The following CNPY1 variants were observed in gnomAD, a reference collection of about 807,000 sequenced individuals.
The protein encoded by CNPY1 is canopy FGF signaling regulator 1.
A neutral mutation model predicts 14.4 loss-of-function variants in CNPY1; 14 were observed. The observed-to-expected ratio is 0.97, with a 90% CI of 0.64 to 1.52. The LOEUF (loss-of-function observed/expected upper bound fraction) is 1.52. Among genes scored for constraint, CNPY1 ranks in the 40% most tolerant of loss-of-function variants. The pLI is 0.00. For missense variants in CNPY1, 129 were observed against 131.5 expected, an observed-to-expected ratio of 0.98 and a Z score of 0.09; for synonymous variants, 43 against 46.5, an observed-to-expected ratio of 0.92 and a Z score of 0.31.
Position 155,502,724 on chromosome 7 carries a change from T to C in CNPY1, c.*344A>G, listed in dbSNP as rs1223602361. ...TTGCATATGTGCACATACACTGTTA[T>C]AAAATAAGCAGCATACATTATGAAA... On this transcript the variant is annotated 3_prime_UTR_variant, in exon 5 of 5. Coordinates refer to ENST00000636446, the MANE Select transcript of CNPY1 (RefSeq NM_001393663.1). The C allele has an allele frequency of 1.8e-5, 5 of 270,838 alleles. No homozygotes were observed. Among genetic ancestry groups the C allele is most frequent in the Non-Finnish European group, 3.5e-5 (5 of 142,482 alleles). 16.8% of individuals were successfully genotyped at this position (270,838 alleles called of 1,614,324 possible).
chr7:155,502,549 A>T lies in CNPY1; in HGVS notation c.*519T>A, dbSNP rs549601792. ...TGTGGTTTCTAAAAATTTTAATTTC[A>T]TTCCTGATAAAAAGTGGGTTTCTTT... is the stretch of plus-strand genomic sequence containing the variant. On this transcript the variant is annotated 3_prime_UTR_variant, in exon 5 of 5. Coordinates refer to ENST00000636446, the MANE Select transcript of CNPY1 (RefSeq NM_001393663.1). The T allele has an allele frequency of 6.6e-6, 1 of 152,518 alleles. No homozygotes were observed. The highest frequency in any genetic ancestry group is 6.5e-5 in the Admixed American group (1 of 15,312). The allele number at this position is 152,518 out of a possible 1,614,324, so 9.4% of individuals were successfully genotyped here.
chr7:155,536,971 A>G lies in CNPY1; in HGVS notation c.99+8860T>C, dbSNP rs1797031778. 6.6e-6 allele frequency among the ~76,000 whole-genome samples: 1 copy of G among 152,270 alleles called. No individual in the cohort carries two copies. On this transcript the variant is annotated intron_variant, in intron 2 of 4. Coordinates refer to ENST00000636446, the MANE Select transcript of CNPY1 (RefSeq NM_001393663.1). This position sits in a 1 kb window ranked among gnomAD's most constrained non-coding sequence, Gnocchi z 4.1. ...GATGGTACACAATAAAAGCCACCAA[A>G]TAAATTAAAAATGTATACAACCCCC...
chr7:155,545,388 C>G (rs757706273), intron 2 of CNPY1, among the ~76,000 whole-genome samples: 2 of 152,280 alleles, frequency 1.3e-5, no homozygotes, highest in East Asian at 1.9e-4. Context: ...TTCTCCATAG[C>G]CAACTGTCCG....
intron 3 of CNPY1, 67 bp from the exon 4 acceptor site, chr7:155,507,183 C>G (rs1796347641): frequency 2.1e-6 from 2 of 964,324 alleles, no homozygotes; most frequent in Non-Finnish European, 1.7e-6. Flanking sequence ...TTAGGAAGGA[C>G]TTTGCAACAA....
chr7:155,520,140 A>G lies in CNPY1; in HGVS notation c.100-11043T>C, dbSNP rs529934761. Among the ~76,000 whole-genome samples, 238 of 152,356 alleles carry G rather than the reference A, an allele frequency of 1.6e-3. 2 individuals are homozygous for G. The highest frequency in any genetic ancestry group is 2.6e-3 in the Non-Finnish European group (178 of 68,036). On this transcript the variant is annotated intron_variant, in intron 2 of 4. Transcript: ENST00000636446. ...AGGAATGGAAGAGTGCTCAGCTAAG[A>G]CAGAGACATCTATAAAATAAGCTGC...
At chr7:155,546,037 A>T in intron 1 of CNPY1, 94 bp from the exon 2 acceptor site, 2 of 398,242 alleles carry the variant, frequency 5.0e-6, no homozygotes, top group Non-Finnish European at 8.9e-6. Context: ...TCTAGCTAGA[A>T]CAGGGACAGT....
rs60236629 is a variant in CNPY1, at chr7:155,502,003, T to TGGGGGGGGGG, written c.*1064_*1065insCCCCCCCCCC. The TGGGGGGGGGG allele has an allele frequency of 1.6e-5, 2 of 125,322 alleles. No individual in the cohort carries two copies. The highest frequency in any genetic ancestry group is 8.4e-5 in the Admixed American group (1 of 11,902). The allele number at this position is 125,322 out of a possible 1,614,324, so 7.8% of individuals were successfully genotyped here. ...GCAAAGAGTTTTGGGTCGGGGGGGT[T>TGGGGGGGGGG]GGGGGGGGGATTTGTAGCATCCTAC... On this transcript the variant is annotated 3_prime_UTR_variant, in exon 5 of 5. Coordinates refer to ENST00000636446, the MANE Select transcript of CNPY1 (RefSeq NM_001393663.1).
At chr7:155,527,054 C>CTTTCTTTCTTTCTTTTTTTTTTTTTT (rs56296833) in intron 2 of CNPY1, among the ~76,000 whole-genome samples, 1 of 90,344 alleles carries the variant, frequency 1.1e-5, no homozygotes, top group Non-Finnish European at 2.0e-5. Context: ...TTCTTTCTTT[C>CTTTCTTTCTTTCTTTTTTTTTTTTTT]TTTTTTTTTT....
chr7:155,528,133 A>G (rs13229457), intron 2 of CNPY1, among the ~76,000 whole-genome samples: 25,775 of 152,224 alleles, frequency 0.17, 2,273 homozygotes, highest in South Asian at 0.27. Context: ...CTTTCCTCTG[A>G]TGTTTTCAGA....
Position 155,524,284 on chromosome 7 carries a change from C to T in CNPY1, c.100-15187G>A, listed in dbSNP as rs558901590. On this transcript the variant is annotated intron_variant, in intron 2 of 4. Coordinates refer to ENST00000636446, the MANE Select transcript of CNPY1 (RefSeq NM_001393663.1). ...ACCTGCCAAAGTGTAGATTCATTTT[C>T]CCTCCAAGATACGAATGACAAAAGA... Among the ~76,000 whole-genome samples the T allele has an allele frequency of 3.3e-5, 5 of 152,356 alleles. No individual in the cohort carries two copies. In the East Asian group the frequency reaches 9.7e-4, roughly 29 times the overall value.
Position 155,527,054 on chromosome 7 carries a change from C to CTTTCTTTCTTTCTTTCT in CNPY1, c.100-17958_100-17957insAGAAAGAAAGAAAGAAA, listed in dbSNP as rs56296833. Among the ~76,000 whole-genome samples, 121 of 90,354 alleles carry CTTTCTTTCTTTCTTTCT rather than the reference C, an allele frequency of 1.3e-3. 3 individuals carry two copies. Among genetic ancestry groups the CTTTCTTTCTTTCTTTCT allele is most frequent in the Admixed American group, 9.8e-3 (73 of 7,432 alleles). The allele number at this position is 90,354 out of a possible 152,430, so 59.3% of individuals were successfully genotyped here. On this transcript the variant is annotated intron_variant, in intron 2 of 4. Coordinates refer to ENST00000636446, the MANE Select transcript of CNPY1 (RefSeq NM_001393663.1). ...TTTTTCTTTCTTTCTTTCTTTCTTT[C>CTTTCTTTCTTTCTTTCT]TTTTTTTTTTTTTTTTTGAGACAGT...
At chr7:155,532,527 A>G (rs964924550) in intron 2 of CNPY1, among the ~76,000 whole-genome samples, 1 of 152,112 alleles carries the variant, frequency 6.6e-6, no homozygotes, top group Non-Finnish European at 1.5e-5. Flanking sequence ...AGGCTGAGGC[A>G]GGAGAATGGC....
In CNPY1 at chr7:155,502,771, G is replaced by A. The variant is rs1361428720; in HGVS notation, c.*297C>T. ...GAAATCCCTATTTTGTTTATGAAAT[G>A]TCTTCGCTTTTTTCCTCAATACAGA... On this transcript the variant is annotated 3_prime_UTR_variant, in exon 5 of 5. Coordinates refer to ENST00000636446, the MANE Select transcript of CNPY1 (RefSeq NM_001393663.1). 4 of 396,392 alleles carry A rather than the reference G, an allele frequency of 1.0e-5. No individual in the cohort carries two copies. The highest frequency in any genetic ancestry group is 1.8e-5 in the Non-Finnish European group (4 of 221,050). The allele number at this position is 396,392 out of a possible 1,614,324, so 24.6% of individuals were successfully genotyped here.
chr7:155,528,918 A>G (rs566398300), intron 2 of CNPY1, among the ~76,000 whole-genome samples: 16 of 152,224 alleles, frequency 1.1e-4, no homozygotes, highest in South Asian at 1.0e-3. Context: ...AAAATTAGCC[A>G]GGCATGGTGG....
At chr7:155,513,335 CA>C (rs1275646581) in intron 2 of CNPY1, among the ~76,000 whole-genome samples, 1 of 152,166 alleles carries the variant, frequency 6.6e-6, no homozygotes, top group Non-Finnish European at 1.5e-5. Context: ...GCCCAAACCA[CA>C]TATAACGGAA....
chr7:155,503,177 T>C, intron 4 of CNPY1, 72 bp from the exon 5 acceptor site: 2 of 1,196,006 alleles, frequency 1.7e-6, no homozygotes, highest in East Asian at 2.4e-5. Context: ...ATTTACATTA[T>C]GCAAAAACTA....
At chr7:155,532,734 A>C (rs1250639401) in intron 2 of CNPY1, among the ~76,000 whole-genome samples, 5 of 152,206 alleles carry the variant, frequency 3.3e-5, no homozygotes, top group Non-Finnish European at 5.9e-5. Flanking sequence ...AACTGAAAAG[A>C]ATTTGAATTT....
intron 2 of CNPY1, among the ~76,000 whole-genome samples, chr7:155,528,653 C>A (rs1046302827): frequency 1.3e-5 from 2 of 152,346 alleles, no homozygotes; most frequent in South Asian, 4.1e-4. Context: ...ACACTGTCTC[C>A]GCTGCCACAA....
At chr7:155,528,885 T>A (rs12698003) in intron 2 of CNPY1, among the ~76,000 whole-genome samples, 2 of 151,816 alleles carry the variant, frequency 1.3e-5, no homozygotes, top group African/African-American at 4.8e-5. Flanking sequence ...ATGATGAAAC[T>A]GTGTCTCTAC....
Sources: allele counts gnomAD v4.1 joint callset (sites outside exome capture counted in the v4.1 genomes callset), GRCh38; gene constraint gnomAD v4.1.1; non-coding constraint Gnocchi (gnomAD v3.1); transcripts MANE v1.5; gene names NCBI Gene and HGNC (gene_info 2026-07-23, HGNC 2026-07-21).